The following MYRIP variants were observed in gnomAD, a reference collection of about 807,000 sequenced individuals.
MYRIP encodes the protein myosin VIIA and Rab interacting protein.
MYRIP carries 49 observed loss-of-function variants against 98.0 expected under a neutral mutation model. The observed-to-expected ratio is 0.50, with a 90% CI of 0.40 to 0.63. The LOEUF (loss-of-function observed/expected upper bound fraction) is 0.63. MYRIP is among the 30% of genes least tolerant of loss of function. The pLI, the probability that MYRIP is intolerant of heterozygous loss-of-function variation, is 0.00. For synonymous variants in MYRIP, 404 were observed against 409.5 expected (o/e 0.99, Z 0.16); for missense variants, 1,004 against 1,058.2 (o/e 0.95, Z 0.71).
chr3:39,975,058 G>T (rs977387510), intron 2 of MYRIP, among the ~76,000 whole-genome samples: 1 of 152,164 alleles, frequency 6.6e-6, no homozygotes, highest in Admixed American at 6.5e-5. Context: ...AATCAGGCAG[G>T]AGAAGGAAAT....
intron 3 of MYRIP, among the ~76,000 whole-genome samples, chr3:40,128,464 C>A (rs1279555544): frequency 6.6e-6 from 1 of 152,216 alleles, no homozygotes; most frequent in African/African-American, 2.4e-5. Flanking sequence ...TTTCACAACA[C>A]CCTTCCCTTA....
chr3:39,835,710 A>C (rs1443811281), intron 1 of MYRIP, among the ~76,000 whole-genome samples: 8 of 152,140 alleles, frequency 5.3e-5, no homozygotes, highest in Non-Finnish European at 1.5e-5. Flanking sequence ...TGTTATCTAC[A>C]TTAGGTATTT....
chr3:39,851,075 G>C (rs140413428), intron 1 of MYRIP, among the ~76,000 whole-genome samples: 147 of 152,328 alleles, frequency 9.7e-4, no homozygotes, highest in African/African-American at 3.2e-3. Context: ...ATGACAGGGG[G>C]ATATTCTGGG....
intron 11 of MYRIP, among the ~76,000 whole-genome samples, chr3:40,224,086 G>T (rs1669770326): frequency 6.6e-6 from 1 of 152,164 alleles, no homozygotes; most frequent in Non-Finnish European, 1.5e-5. Flanking sequence ...AGAGCAATGT[G>T]GCCAAGGGAA....
intron 2 of MYRIP, among the ~76,000 whole-genome samples, chr3:39,915,857 G>A (rs1944145104): frequency 6.6e-6 from 1 of 151,686 alleles, no homozygotes; most frequent in Non-Finnish European, 1.5e-5. Flanking sequence ...GTTAATAGAT[G>A]AAAAATATTT....
chr3:40,064,492 T>C (rs898943528), intron 3 of MYRIP, among the ~76,000 whole-genome samples: 1 of 152,222 alleles, frequency 6.6e-6, no homozygotes, highest in African/African-American at 2.4e-5. Flanking sequence ...CACTCTGTTG[T>C]GCTTAAGGTA....
At chr3:39,889,379 G>C (rs1368061410) in intron 1 of MYRIP, among the ~76,000 whole-genome samples, 1 of 152,120 alleles carries the variant, frequency 6.6e-6, no homozygotes, top group African/African-American at 2.4e-5. Context: ...GTCCTTTATA[G>C]GGACATGGAT....
chr3:40,052,775 T>A (rs1433262818), intron 3 of MYRIP, among the ~76,000 whole-genome samples: 1 of 152,138 alleles, frequency 6.6e-6, no homozygotes, highest in Non-Finnish European at 1.5e-5. Context: ...TGCTCAACAA[T>A]AAAATGGTAG....
Position 40,084,856 on chromosome 3 carries a change from G to A in MYRIP, c.332+40585G>A, listed in dbSNP as rs1356162793. Among the ~76,000 whole-genome samples, 31 of 42,762 alleles carry A rather than the reference G, an allele frequency of 7.2e-4. 1 individual carries two copies. Among genetic ancestry groups the A allele is most frequent in the East Asian group, 6.1e-3 (9 of 1,472 alleles). The allele number at this position is 42,762 out of a possible 152,430, so 28.1% of individuals were successfully genotyped here. On this transcript the variant is annotated intron_variant, in intron 3 of 16. Coordinates refer to ENST00000302541, the MANE Select transcript of MYRIP (RefSeq NM_015460.4). ...AATATATATCTATGTGTTACATGTC[G>A]ATAGATAATATATATCTATGTGTTA... is the stretch of plus-strand genomic sequence containing the variant.
intron 3 of MYRIP, among the ~76,000 whole-genome samples, chr3:40,053,183 C>T (rs965317374): frequency 6.6e-6 from 1 of 152,210 alleles, no homozygotes. Context: ...GCCCTTCCCC[C>T]CATCCCTGCC....
intron 3 of MYRIP, among the ~76,000 whole-genome samples, chr3:40,122,602 C>T (rs986305276): frequency 3.3e-5 from 5 of 151,592 alleles, no homozygotes; most frequent in African/African-American, 1.2e-4. Flanking sequence ...ATATTAAATT[C>T]ACATTTAAAT....
chr3:39,982,227 A>G (rs963743689), intron 2 of MYRIP, among the ~76,000 whole-genome samples: 4 of 152,178 alleles, frequency 2.6e-5, no homozygotes, highest in Admixed American at 6.6e-5. Context: ...AGTTTATCCA[A>G]GTCAACTTAA....
At chr3:40,156,955 C>T (rs1278932945) in intron 4 of MYRIP, among the ~76,000 whole-genome samples, 1 of 152,172 alleles carries the variant, frequency 6.6e-6, no homozygotes, top group African/African-American at 2.4e-5. Context: ...GACAATTTGA[C>T]TTCCTCTTTT....
At chr3:39,865,430 G>A (rs1942591287) in intron 1 of MYRIP, among the ~76,000 whole-genome samples, 1 of 152,038 alleles carries the variant, frequency 6.6e-6, no homozygotes, top group African/African-American at 2.4e-5. Flanking sequence ...TATGCATCTG[G>A]TAATGGTCTA....
intron 11 of MYRIP, among the ~76,000 whole-genome samples, chr3:40,213,663 C>T (rs980500953): frequency 3.9e-5 from 5 of 127,428 alleles, no homozygotes; most frequent in African/African-American, 8.8e-5. Context: ...AGTAGATCTA[C>T]GGTAATGTGA....
intron 7 of MYRIP, 127 bp from the exon 8 acceptor site, chr3:40,169,823 C>A: frequency 9.5e-7 from 1 of 1,053,114 alleles, no homozygotes; most frequent in Non-Finnish European, 1.4e-6. Context: ...TCTGAAACAG[C>A]CTGGTGTTCT....
chr3:40,248,273 C>T (rs987106007), intron 13 of MYRIP: 1 of 152,208 alleles, frequency 6.6e-6, no homozygotes, highest in Non-Finnish European at 1.5e-5. Flanking sequence ...GGGTGCTGTC[C>T]ACTGCATCAT....
In MYRIP at chr3:40,162,785, T is replaced by C. The variant is rs142398777; in HGVS notation, c.525T>C (p.Asp175=). 1.8e-5 allele frequency: 29 copies of C among 1,614,074 alleles called. No homozygotes were observed. The highest frequency in any genetic ancestry group is 4.0e-5 in the African/African-American group (3 of 75,034). Residue 175 remains aspartate, a synonymous_variant, in exon 5 of 17, where the codon GAT becomes GAC. Transcript: ENST00000302541. ...LENEGSISGS[D]STFYRQSEGH... ...ATGAAGGAAGCATTTCTGGCAGTGA[T>C]TCAACATTTTATAGGCAGTCAGAAG...
At chr3:39,836,183 T>C (rs1390088866) in intron 1 of MYRIP, among the ~76,000 whole-genome samples, 1 of 152,166 alleles carries the variant, frequency 6.6e-6, no homozygotes. Flanking sequence ...TCTTCCACAA[T>C]GGTTGGACTA....
Sources: allele counts gnomAD v4.1 joint callset (sites outside exome capture counted in the v4.1 genomes callset), GRCh38; gene constraint gnomAD v4.1.1; transcripts MANE v1.5; gene names NCBI Gene and HGNC (gene_info 2026-07-23, HGNC 2026-07-21).